PPM1L: variants seen among roughly 807,000 people sequenced by gnomAD.
The protein encoded by PPM1L is protein phosphatase, Mg2+/Mn2+ dependent 1L, also known as protein phosphatase 1L.
PPM1L carries 13 observed loss-of-function variants against 31.4 expected under a neutral mutation model. The ratio of observed to expected loss-of-function variants is 0.41; its 90% CI spans 0.27 to 0.66. The LOEUF (loss-of-function observed/expected upper bound fraction) is 0.66. PPM1L is among the 30% of genes least tolerant of loss of function. The pLI, the probability that PPM1L is intolerant of heterozygous loss-of-function variation, is 0.29. For synonymous variants in PPM1L, 184 were observed against 175.4 expected (o/e 1.05, Z -0.39); for missense variants, 326 against 453.7 (o/e 0.72, Z 2.56).
intron 1 of PPM1L, among the ~76,000 whole-genome samples, chr3:160,901,304 C>T (rs1159725899): frequency 1.3e-5 from 2 of 152,138 alleles, no homozygotes; most frequent in Non-Finnish European, 2.9e-5. Context: ...TATTATCCAT[C>T]TATTACTATT....
rs766833997 is a variant in PPM1L, at chr3:160,756,602, C to T, written c.294C>T (p.Ile98=). ...ACCACAACGTGGCGGTGTACTCCAT[C>T]CAGGGCCGGAGAGACCACATGGAGG... ...FKNHNVAVYS[I]QGRRDHMEDR... The change falls in exon 1 of 4, where the codon ATC becomes ATT. Residue 98 remains isoleucine (I), a synonymous_variant. Coordinates refer to ENST00000498165, the MANE Select transcript of PPM1L (RefSeq NM_139245.4). The surrounding 1 kb of genome is among the most constrained non-coding windows in gnomAD (Gnocchi z 6.2). 6.6e-5 allele frequency: 106 copies of T among 1,614,040 alleles called. No individual in the cohort carries two copies. Among genetic ancestry groups the T allele is most frequent in the Middle Eastern group, 1.6e-4 (1 of 6,084 alleles).
chr3:160,868,393 G>A (rs770495628), intron 1 of PPM1L, among the ~76,000 whole-genome samples: 8 of 152,130 alleles, frequency 5.3e-5, no homozygotes, highest in Admixed American at 3.9e-4. Flanking sequence ...CTTCGGTGTC[G>A]GGGGAACTAG....
chr3:160,866,637 C>G (rs1300521051), intron 1 of PPM1L, among the ~76,000 whole-genome samples: 1 of 152,110 alleles, frequency 6.6e-6, no homozygotes, highest in Non-Finnish European at 1.5e-5. Context: ...TCTTAAAAGT[C>G]AAATGTGATT....
intron 2 of PPM1L, among the ~76,000 whole-genome samples, chr3:160,997,749 G>A (rs540769557): frequency 3.8e-4 from 58 of 152,258 alleles, no homozygotes; most frequent in African/African-American, 1.4e-3. Flanking sequence ...GTGGGGAAGG[G>A]TCAGTTGGAC....
Position 160,779,525 on chromosome 3 carries a change from C to CT in PPM1L, c.399+22826dup, listed in dbSNP as rs527410661. Among the ~76,000 whole-genome samples, 74 of 151,918 alleles carry CT rather than the reference C, an allele frequency of 4.9e-4. No individual in the cohort carries two copies. In the East Asian group the frequency reaches 0.012, roughly 25 times the overall value. On this transcript the variant is annotated intron_variant, in intron 1 of 3. Coordinates refer to ENST00000498165, the MANE Select transcript of PPM1L (RefSeq NM_139245.4). ...CTGGCTTCTAACCTTCACTCTGCTACTTTTTTTTCTTTTTTGAGACAGGGT... is the reference window on the plus strand; with the variant it reads ...CTGGCTTCTAACCTTCACTCTGCTACTTTTTTTTTCTTTTTTGAGACAGGGT...
intron 2 of PPM1L, among the ~76,000 whole-genome samples, chr3:160,998,144 C>G (rs1717381677): frequency 6.6e-6 from 1 of 152,146 alleles, no homozygotes; most frequent in African/African-American, 2.4e-5. Context: ...AAAAATTTCT[C>G]TCTTGGAAGA....
At chr3:160,962,569 T>C (rs1716002916) in intron 2 of PPM1L, among the ~76,000 whole-genome samples, 1 of 152,096 alleles carries the variant, frequency 6.6e-6, no homozygotes, top group South Asian at 2.1e-4. Flanking sequence ...TGATTAAAAT[T>C]GCTATACCTC....
intron 1 of PPM1L, among the ~76,000 whole-genome samples, chr3:160,818,865 A>G (rs1412648949): frequency 6.6e-6 from 1 of 151,926 alleles, no homozygotes; most frequent in Non-Finnish European, 1.5e-5. Flanking sequence ...GGACAAGCAA[A>G]AACAAGCTTG....
intron 1 of PPM1L, among the ~76,000 whole-genome samples, chr3:160,898,891 T>G (rs570889162): frequency 6.6e-6 from 1 of 152,180 alleles, no homozygotes; most frequent in African/African-American, 2.4e-5. Context: ...TAAGTTAACA[T>G]GCTCAAGATT....
intron 1 of PPM1L, among the ~76,000 whole-genome samples, chr3:160,818,740 T>C (rs188956479): frequency 3.3e-5 from 5 of 152,130 alleles, no homozygotes; most frequent in East Asian, 3.9e-4. Context: ...ATTATACTTA[T>C]GTATGGGGTA....
At chr3:161,004,256 G>A (rs1717619951) in intron 2 of PPM1L, among the ~76,000 whole-genome samples, 1 of 144,706 alleles carries the variant, frequency 6.9e-6, no homozygotes, top group Admixed American at 7.0e-5. Flanking sequence ...ATTTTATTGA[G>A]GATTTTTGCA....
chr3:160,852,377 A>G (rs991895665), intron 1 of PPM1L, among the ~76,000 whole-genome samples: 1 of 152,250 alleles, frequency 6.6e-6, no homozygotes, highest in African/African-American at 2.4e-5. Context: ...ATTAAAAGCA[A>G]TGCTGTATTT....
chr3:160,776,202 C>T (rs1711555148), intron 1 of PPM1L, among the ~76,000 whole-genome samples: 1 of 152,124 alleles, frequency 6.6e-6, no homozygotes, highest in Non-Finnish European at 1.5e-5. Flanking sequence ...ACATTTTCTA[C>T]TTTGGGGAGC....
intron 1 of PPM1L, among the ~76,000 whole-genome samples, chr3:160,928,629 A>T (rs6770488): frequency 2.6e-5 from 4 of 152,040 alleles, no homozygotes; most frequent in African/African-American, 4.8e-5. Context: ...ATCCCCAGTG[A>T]ACAGTATTAT....
rs112156869 is a variant in PPM1L at position 160,756,754 on chromosome 3, T to C, written c.399+47T>C. On this transcript the variant is annotated intron_variant, in intron 1 of 3. Coordinates refer to ENST00000498165, the MANE Select transcript of PPM1L (RefSeq NM_139245.4). This position sits in a 1 kb window ranked among gnomAD's most constrained non-coding sequence, Gnocchi z 6.2. ...TGTATTTGTGTCCGTGTATGTCTCG[T>C]GTGTGTGTGTGTGTGTGTGTGTGTG... is the stretch of plus-strand genomic sequence containing the variant. 1.8e-5 allele frequency: 9 copies of C among 501,048 alleles called. No homozygotes were observed. Among genetic ancestry groups the C allele is most frequent in the African/African-American group, 8.1e-5 (3 of 37,138 alleles). 31.0% of individuals were successfully genotyped at this position (501,048 alleles called of 1,614,324 possible). A position where few individuals can be genotyped will look rare whatever the true frequency, so the allele number is the denominator to read the frequency against.
intron 1 of PPM1L, among the ~76,000 whole-genome samples, chr3:160,835,630 C>T (rs1713692837): frequency 1.3e-5 from 2 of 152,062 alleles, no homozygotes. Flanking sequence ...ATCTTGTCCA[C>T]TCCTCTCTAC....
intron 2 of PPM1L, among the ~76,000 whole-genome samples, chr3:160,968,861 A>G (rs916502982): frequency 2.0e-5 from 3 of 152,210 alleles, no homozygotes; most frequent in African/African-American, 7.2e-5. Context: ...TAGTTGCCTA[A>G]GCTGCTGCTT....
intron 1 of PPM1L, among the ~76,000 whole-genome samples, chr3:160,842,563 C>T (rs1173292351): frequency 6.6e-6 from 1 of 152,060 alleles, no homozygotes; most frequent in East Asian, 1.9e-4. Flanking sequence ...AAGATAAGGG[C>T]AAAAAGAACT....
intron 2 of PPM1L, among the ~76,000 whole-genome samples, chr3:161,009,617 T>A (rs540960958): frequency 6.6e-6 from 1 of 152,318 alleles, no homozygotes; most frequent in East Asian, 1.9e-4. Context: ...TTGATTTCAC[T>A]TGTTATTGCA....
Sources: gnomAD v4.1 joint callset for allele counts (sites outside exome capture counted in the v4.1 genomes callset) on GRCh38, gnomAD v4.1.1 for gene constraint, Gnocchi (gnomAD v3.1) non-coding constraint, MANE v1.5 for transcripts, NCBI Gene and HGNC (gene_info 2026-07-23, HGNC 2026-07-21) for gene names.